SLC35G3: variants seen among roughly 807,000 people sequenced by gnomAD.
The protein encoded by SLC35G3 is solute carrier family 35 member G3, also known as acyl-malonyl-condensing enzyme 1.
In SLC35G3, 10 loss-of-function variants were observed where a neutral mutation model predicts 17.9. The observed-to-expected ratio is 0.56, with a 90% CI of 0.34 to 0.95. The LOEUF is 0.95. Ranked by LOEUF, SLC35G3 falls within the 40% of genes least tolerant of loss-of-function variation. SLC35G3 has a pLI of 0.02. For missense variants in SLC35G3, 384 were observed against 433.6 expected, an observed-to-expected ratio of 0.89 and a Z score of 1.02; for synonymous variants, 208 against 197.7, an observed-to-expected ratio of 1.05 and a Z score of -0.44.
In SLC35G3 at chr17:35,193,098, C is replaced by T. The variant is rs17547201; in HGVS notation, c.*193G>A. On this transcript the variant is annotated 3_prime_UTR_variant, in exon 1 of 1. Coordinates refer to ENST00000297307, the MANE Select transcript of SLC35G3 (RefSeq NM_152462.2). ...CTAGGACCCAGCCTGGACTCCACAT[C>T]CCTTGGTCCCAGGCTGGCCCCAGGT... The T allele has an allele frequency of 0.34, 357,570 of 1,040,016 alleles. 67,878 individuals are homozygous for T. Among genetic ancestry groups the T allele is most frequent in the Middle Eastern group, 0.39 (1,268 of 3,214 alleles). The allele number at this position is 1,040,016 out of a possible 1,614,324, so 64.4% of individuals were successfully genotyped here. A position where few individuals can be genotyped will look rare whatever the true frequency, so the allele number is the denominator to read the frequency against.
At position 35,193,920 on chromosome 17, in the gene SLC35G3, C is replaced by T. The variant is rs200328057; in HGVS notation, c.388G>A (p.Ala130Thr). The part of the protein sequence containing the change: ...SAVQVVPAGN[A>T]ATVRKGSSTV... ...GAAGAACCTTTGCGAACAGTGGCAG[C>T]GTTGCCAGCGGGCACCACCTGAACC... Residue 130 changes from alanine to threonine, a missense_variant, in exon 1 of 1, where the codon GCT (alanine) becomes ACT (threonine). Ala to Thr is a moderately conservative substitution (Grantham distance 58, BLOSUM62 0). Transcript: ENST00000297307. The T allele has an allele frequency of 1.3e-3, 2,040 of 1,613,962 alleles. 31 individuals are homozygous for T. In the East Asian group the frequency reaches 0.033, roughly 26 times the overall value.
rs2092335060 is a variant in SLC35G3 at position 35,193,726 on chromosome 17, C to T, written c.582G>A (p.Val194=). The change falls in exon 1 of 1, where the codon GTG becomes GTA. Residue 194 remains valine, a synonymous_variant. Transcript: ENST00000297307. ...TTGVYTALGY[V]EAFLGGLALS... ...GCGCCAGGCCTCCCAGGAAAGCCTC[C>T]ACATAGCCCAGGGCGGTGTAGACAC... The T allele has an allele frequency of 6.2e-7, 1 of 1,612,158 alleles. No homozygotes were observed.
rs776405068 is a variant in SLC35G3, at chr17:35,193,580, G to T, written c.728C>A (p.Ala243Asp). The change falls in exon 1 of 1, where the codon GCC becomes GAC. Residue 243 changes from alanine (A) to aspartate (D), a missense_variant. Ala to Asp is a moderately radical substitution (Grantham distance 126). Transcript: ENST00000297307. ...GSVPGLFVLQ[A>D]PVLPSDLLSW... ...CAGGAGGTCACTGGGCAACACGGGG[G>T]CCTGCAGCACAAAGAGGCCTGGCAC... 1.9e-6 allele frequency: 3 copies of T among 1,611,912 alleles called. No individual in the cohort carries two copies. The highest frequency in any genetic ancestry group is 1.3e-5 in the African/African-American group (1 of 74,850).
Position 35,193,008 on chromosome 17 carries a change from C to T in SLC35G3, c.*283G>A, listed in dbSNP as rs1437777970. 6.6e-5 allele frequency: 37 copies of T among 558,820 alleles called. No individual in the cohort carries two copies. The highest frequency in any genetic ancestry group is 5.6e-4 in the South Asian group (27 of 48,316). The allele number at this position is 558,820 out of a possible 1,614,324, so 34.6% of individuals were successfully genotyped here. On this transcript the variant is annotated 3_prime_UTR_variant, in exon 1 of 1. Transcript: ENST00000297307. The stretch of plus-strand genomic sequence containing the variant: ...TGAGTGAAGTCCTCCCCATGGCCCA[C>T]GGCCTCCCTGCCTCAGCCCTTTGGA...
Position 35,193,812 on chromosome 17 carries a change from T to C in SLC35G3, c.496A>G (p.Ile166Val). The change falls in exon 1 of 1, where the codon ATC (isoleucine) becomes GTC (valine). Residue 166 changes from isoleucine to valine, a missense_variant. Coordinates refer to ENST00000297307, the MANE Select transcript of SLC35G3 (RefSeq NM_152462.2). ...GYDWCGLLGC[I>V]LGLIIIVGPG... ...CCCACAATGATGATTAGTCCTAGGA[T>C]GCAGCCCAACAGTCCACACCAGTCG... 1 of 1,613,814 alleles carries C rather than the reference T, an allele frequency of 6.2e-7. No individual in the cohort carries two copies. The highest frequency in any genetic ancestry group is 2.2e-5 in the East Asian group (1 of 44,880).
Position 35,193,594 on chromosome 17 carries a change from G to A in SLC35G3, c.714C>T (p.Leu238=). ...GCAACACGGGGGCCTGCAGCACAAA[G>A]AGGCCTGGCACAGAGCCCAGCAGCC... The part of the protein sequence containing the change: ...LVGLLGSVPG[L]FVLQAPVLPS... The change falls in exon 1 of 1, where the codon CTC becomes CTT. Residue 238 remains leucine, a synonymous_variant. Coordinates refer to ENST00000297307, the MANE Select transcript of SLC35G3 (RefSeq NM_152462.2). 6.2e-7 allele frequency: 1 copy of A among 1,612,052 alleles called. No individual in the cohort carries two copies. The highest frequency in any genetic ancestry group is 8.5e-7 in the Non-Finnish European group (1 of 1,179,870).
Position 35,194,064 on chromosome 17 carries a change from G to T in SLC35G3, c.244C>A (p.Pro82Thr), listed in dbSNP as rs1482906622. The T allele has an allele frequency of 6.2e-7, 1 of 1,613,898 alleles. No homozygotes were observed. The highest frequency in any genetic ancestry group is 1.3e-5 in the African/African-American group (1 of 74,936). ...CGCAGTTTAAGTAGCAGGGCAATAG[G>T]GAGGTGGAAGAGGCATCGCCAGATG... ...LLIWRCLFHL[P>T]IALLLKLRGD... Residue 82 changes from proline to threonine, a missense_variant, in exon 1 of 1, where the codon CCT (proline) becomes ACT (threonine). By Grantham distance (38) the Pro-to-Thr change is conservative. Transcript: ENST00000297307.
In SLC35G3 at chr17:35,193,367, C is replaced by A; in HGVS notation, c.941G>T (p.Gly314Val). Reference sequence around the variant, plus strand: ...GATGGCAATGCTGCCCAGCACAACCCCTGCCGCCACGATGTCAGAAGGTGC... The same window carrying A: ...GATGGCAATGCTGCCCAGCACAACCACTGCCGCCACGATGTCAGAAGGTGC... ...TVAPSDIVAA[G>V]VVLGSIAIIT... The change falls in exon 1 of 1, where the codon GGG (glycine) becomes GTG (valine). Residue 314 changes from glycine to valine, a missense_variant. Transcript: ENST00000297307. 1 of 1,611,992 alleles carries A rather than the reference C, an allele frequency of 6.2e-7. No individual in the cohort carries two copies. Among genetic ancestry groups the A allele is most frequent in the Non-Finnish European group, 8.5e-7 (1 of 1,179,850 alleles).
At position 35,193,739 on chromosome 17, in the gene SLC35G3, G is replaced by A. The variant is rs2092335140; in HGVS notation, c.569C>T (p.Ala190Val). Residue 190 changes from alanine to valine, a missense_variant, in exon 1 of 1, where the codon GCC becomes GTC. Transcript: ENST00000297307. ...LQEGTTGVYT[A>V]LGYVEAFLGG... is the part of the protein sequence containing the mutation. ...CAGGAAAGCCTCCACATAGCCCAGG[G>A]CGGTGTAGACACCCGTGGTCCCCTC... 2 of 1,612,244 alleles carry A rather than the reference G, an allele frequency of 1.2e-6. No individual in the cohort carries two copies. Among genetic ancestry groups the A allele is most frequent in the Non-Finnish European group, 1.7e-6 (2 of 1,179,886 alleles).
In SLC35G3 at chr17:35,194,210, G is replaced by A. The variant is rs758700167; in HGVS notation, c.98C>T (p.Pro33Leu). 13 of 1,613,674 alleles carry A rather than the reference G, an allele frequency of 8.1e-6. No homozygotes were observed. The African/African-American group carries it at 1.5e-4, about 18-fold the overall frequency. The change falls in exon 1 of 1, where the codon CCC (proline) becomes CTC (leucine). Residue 33 changes from proline (P) to leucine (L), a missense_variant. By Grantham distance (98) the Pro-to-Leu change is moderately conservative. Coordinates refer to ENST00000297307, the MANE Select transcript of SLC35G3 (RefSeq NM_152462.2). ...PSLRWYQRCQ[P>L]SDATSGLLVA... ...CAGCAGGCCACTGGTGGCATCAGAG[G>A]GCTGGCAGCGCTGGTACCAGCGGAG... is the stretch of plus-strand genomic sequence containing the variant.
Position 35,193,155 on chromosome 17 carries a change from A to C in SLC35G3, c.*136T>G. ...CGTAGTCCCTCTCCACCAAGTCCCCAAGTCACCCTTGACTCTGAGAGGTAT... is the reference window on the plus strand; with the variant it reads ...CGTAGTCCCTCTCCACCAAGTCCCCCAGTCACCCTTGACTCTGAGAGGTAT... On this transcript the variant is annotated 3_prime_UTR_variant, in exon 1 of 1. Coordinates refer to ENST00000297307, the MANE Select transcript of SLC35G3 (RefSeq NM_152462.2). 6.7e-7 allele frequency: 1 copy of C among 1,494,608 alleles called. No individual in the cohort carries two copies. Among genetic ancestry groups the C allele is most frequent in the Non-Finnish European group, 9.0e-7 (1 of 1,106,806 alleles). 92.6% of individuals were successfully genotyped at this position (1,494,608 alleles called of 1,614,324 possible).
Position 35,193,146 on chromosome 17 carries a change from C to T in SLC35G3, c.*145G>A. 4.1e-6 allele frequency: 6 copies of T among 1,461,634 alleles called. No homozygotes were observed. The highest frequency in any genetic ancestry group is 1.4e-5 in the African/African-American group (1 of 71,396). The allele number at this position is 1,461,634 out of a possible 1,614,324, so 90.5% of individuals were successfully genotyped here. ...GGTCTTCCACGTAGTCCCTCTCCAC[C>T]AAGTCCCCAAGTCACCCTTGACTCT... On this transcript the variant is annotated 3_prime_UTR_variant, in exon 1 of 1. Transcript: ENST00000297307.
Position 35,194,084 on chromosome 17 carries a change from C to T in SLC35G3, c.224G>A (p.Trp75Ter). 1 of 1,613,986 alleles carries T rather than the reference C, an allele frequency of 6.2e-7. No individual in the cohort carries two copies. Among genetic ancestry groups the T allele is most frequent in the Non-Finnish European group, 8.5e-7 (1 of 1,179,858 alleles). ...AATAGGGAGGTGGAAGAGGCATCGCCAGATGAGCAGCTCCAGCGAGGGCAG... is the reference window on the plus strand; with the variant it reads ...AATAGGGAGGTGGAAGAGGCATCGCTAGATGAGCAGCTCCAGCGAGGGCAG... ...SNLPSLELLI[W>*]RCLFHLPIAL... The change falls in exon 1 of 1, where the codon TGG (tryptophan) becomes TAG (stop). Residue 75 changes from tryptophan (W) to a stop codon, truncating the protein, a stop_gained. Coordinates refer to ENST00000297307, the MANE Select transcript of SLC35G3 (RefSeq NM_152462.2). LOFTEE classifies it high-confidence loss of function.
chr17:35,193,946 G>A lies in SLC35G3; in HGVS notation c.362C>T (p.Ala121Val), dbSNP rs8079507. 0.024 allele frequency: 38,962 copies of A among 1,613,934 alleles called. 2,362 individuals are homozygous for A. The highest frequency in any genetic ancestry group is 0.18 in the East Asian group (8,239 of 44,878). ...GTTGCCAGCGGGCACCACCTGAACC[G>A]CACTGTAGGCACATCCAATGCTGAG... is the stretch of plus-strand genomic sequence containing the variant. The part of the protein sequence containing the change: ...NILSIGCAYS[A>V]VQVVPAGNAA... Residue 121 changes from alanine to valine, a missense_variant, in exon 1 of 1, where the codon GCG becomes GTG. Transcript: ENST00000297307.
At position 35,194,299 on chromosome 17, in the gene SLC35G3, G is replaced by C; in HGVS notation, c.9C>G (p.Gly3=). 6.2e-7 allele frequency: 1 copy of C among 1,607,896 alleles called. No homozygotes were observed. The highest frequency in any genetic ancestry group is 2.2e-5 in the East Asian group (1 of 44,832). Residue 3 remains glycine (G), a synonymous_variant, in exon 1 of 1, where the codon GGC becomes GGG. Transcript: ENST00000297307. MA[G]SHPYFNQPDS... ...CAGGCTGGTTGAAATAGGGGTGACT[G>C]CCAGCCATCTTTCCTTGGACTTTCT... is the stretch of plus-strand genomic sequence containing the variant.
At position 35,193,657 on chromosome 17, in the gene SLC35G3, G is replaced by C; in HGVS notation, c.651C>G (p.Pro217=). 1.2e-6 allele frequency: 2 copies of C among 1,612,000 alleles called. No individual in the cohort carries two copies. Among genetic ancestry groups the C allele is most frequent in the South Asian group, 2.2e-5 (2 of 90,986 alleles). The change falls in exon 1 of 1, where the codon CCC becomes CCG. Residue 217 remains proline, a synonymous_variant. Transcript: ENST00000297307. Reference sequence around the variant, plus strand: ...ATAGGAAGGCCACTGTTGGGAGGCAGGGGGGAAAGTGCAGAGAACGATAGA... The same window carrying C: ...ATAGGAAGGCCACTGTTGGGAGGCACGGGGGAAAGTGCAGAGAACGATAGA... ...LLVYRSLHFP[P]CLPTVAFLSG...
chr17:35,192,883 G>T lies in SLC35G3; in HGVS notation c.*408C>A, dbSNP rs1479894437. ...AGCACGAGGAAAGGAAACCTTCCCC[G>T]TGAGGGGAGGGGTGGGGAGGCACGC... On this transcript the variant is annotated 3_prime_UTR_variant, in exon 1 of 1. Coordinates refer to ENST00000297307, the MANE Select transcript of SLC35G3 (RefSeq NM_152462.2). The T allele has an allele frequency of 1.2e-5, 3 of 244,358 alleles. No homozygotes were observed. Among genetic ancestry groups the T allele is most frequent in the East Asian group, 1.9e-4 (2 of 10,398 alleles). The allele number at this position is 244,358 out of a possible 1,614,324, so 15.1% of individuals were successfully genotyped here.
rs1305507371 is a variant in SLC35G3 at position 35,192,641 on chromosome 17, C to G, written c.*650G>C. On this transcript the variant is annotated 3_prime_UTR_variant, in exon 1 of 1. Coordinates refer to ENST00000297307, the MANE Select transcript of SLC35G3 (RefSeq NM_152462.2). ...TTTCAGCATTTTCTTTTCATGTACT[C>G]AGGTGAGGAAAATCACTCTTTTATA... 1 of 158,798 alleles carries G rather than the reference C, an allele frequency of 6.3e-6. No individual in the cohort carries two copies. Among genetic ancestry groups the G allele is most frequent in the Non-Finnish European group, 1.4e-5 (1 of 72,136 alleles). 9.8% of individuals were successfully genotyped at this position (158,798 alleles called of 1,614,324 possible). A position where few individuals can be genotyped will look rare whatever the true frequency, so the allele number is the denominator to read the frequency against.
In SLC35G3 at chr17:35,193,402, A is replaced by C; in HGVS notation, c.906T>G (p.His302Gln). Residue 302 changes from histidine (H) to glutamine (Q), a missense_variant, in exon 1 of 1, where the codon CAT (histidine) becomes CAG (glutamine). By Grantham distance (24) the His-to-Gln change is conservative. Coordinates refer to ENST00000297307, the MANE Select transcript of SLC35G3 (RefSeq NM_152462.2). ...CGATGTCAGAAGGTGCCACAGTCTCATGGAGCATATAATACTGCAGTATAA... is the reference window on the plus strand; with the variant it reads ...CGATGTCAGAAGGTGCCACAGTCTCCTGGAGCATATAATACTGCAGTATAA... ...VALILQYYML[H>Q]ETVAPSDIVA... 3.7e-6 allele frequency: 6 copies of C among 1,611,998 alleles called. No individual in the cohort carries two copies. The highest frequency in any genetic ancestry group is 5.1e-6 in the Non-Finnish European group (6 of 1,179,856).
Sources: allele counts gnomAD v4.1 joint callset, GRCh38; gene constraint gnomAD v4.1.1; transcripts MANE v1.5; gene names NCBI Gene and HGNC (gene_info 2026-07-23, HGNC 2026-07-21).